Variants in EPB41L4B observed in about 807,000 individuals in gnomAD.
EPB41L4B encodes the protein erythrocyte membrane protein band 4.1 like 4B, also known as band 4.1-like protein 4B.
A neutral mutation model predicts 112.5 loss-of-function variants in EPB41L4B; 30 were observed. The ratio of observed to expected loss-of-function variants is 0.27; its 90% confidence interval spans 0.20 to 0.36. The LOEUF (loss-of-function observed/expected upper bound fraction) is 0.36. EPB41L4B is among the 10% of genes least tolerant of loss of function. EPB41L4B has a pLI of 1.00. For synonymous variants in EPB41L4B, 408 were observed against 439.7 expected (o/e 0.93, Z 0.90); for missense variants, 1,024 against 1,133.3 (o/e 0.90, Z 1.38).
At chr9:109,311,603 G>T (rs1837416637) in intron 1 of EPB41L4B, among the ~76,000 whole-genome samples, 1 of 152,210 alleles carries the variant, frequency 6.6e-6, no homozygotes, top group Admixed American at 6.5e-5. Flanking sequence ...AAAAGAACCT[G>T]CAAAAAATGC....
At chr9:109,220,477 C>A (rs1833534321) in intron 15 of EPB41L4B, among the ~76,000 whole-genome samples, 1 of 152,174 alleles carries the variant, frequency 6.6e-6, no homozygotes, top group Non-Finnish European at 1.5e-5. Context: ...TGTTAGGAGA[C>A]TGCCGCAGGG....
chr9:109,176,132 A>ATT (rs60823915), intron 25 of EPB41L4B, among the ~76,000 whole-genome samples: 3 of 140,314 alleles, frequency 2.1e-5, no homozygotes, highest in African/African-American at 7.8e-5. Context: ...CCTTGTAAAC[A>ATT]TTTTTTTTTT....
chr9:109,294,132 C>G (rs1346541362), intron 1 of EPB41L4B, among the ~76,000 whole-genome samples: 1 of 151,264 alleles, frequency 6.6e-6, no homozygotes, highest in African/African-American at 2.4e-5. Context: ...CAGTGAAACC[C>G]CATTTCTACG....
intron 15 of EPB41L4B, chr9:109,241,364 A>G: frequency 9.1e-7 from 1 of 1,102,110 alleles, no homozygotes; most frequent in Middle Eastern, 4.1e-4. Flanking sequence ...TTAAATAACA[A>G]AGAACATCAG....
chr9:109,236,419 A>T (rs62576380), intron 15 of EPB41L4B, among the ~76,000 whole-genome samples: 11 of 139,848 alleles, frequency 7.9e-5, no homozygotes, highest in African/African-American at 2.2e-4. Context: ...ATGCCTATTT[A>T]AAAAAAAAAA....
rs376522301 is a variant in EPB41L4B at position 109,207,920 on chromosome 9, G to A, written c.1878+4C>T. 2.3e-5 allele frequency: 37 copies of A among 1,613,940 alleles called. No homozygotes were observed. The highest frequency in any genetic ancestry group is 2.0e-4 in the Admixed American group (12 of 59,998). ...AATCAAAGGAATGTATGCATTCTGC[G>A]CACCTGGATGTTCACTCGGGAAGCA... On this transcript the variant is annotated splice_donor_region_variant and intron_variant, in intron 18 of 25. Coordinates refer to ENST00000374566, the MANE Select transcript of EPB41L4B (RefSeq NM_019114.5).
rs1214662037 is a variant in EPB41L4B at position 109,306,005 on chromosome 9, G to A, written c.306+14136C>T. On this transcript the variant is annotated intron_variant, in intron 1 of 25. Coordinates refer to ENST00000374566, the MANE Select transcript of EPB41L4B (RefSeq NM_019114.5). ...TGAGAAGTGAAGGGGACACTGGGGA[G>A]CTGCCAGAGAGCCACTAGAGTGACA... is the stretch of plus-strand genomic sequence containing the variant. 2.6e-5 allele frequency among the ~76,000 whole-genome samples: 4 copies of A among 152,298 alleles called. No homozygotes were observed. The East Asian group carries it at 7.7e-4, about 29-fold the overall frequency.
intron 15 of EPB41L4B, among the ~76,000 whole-genome samples, chr9:109,235,515 T>C (rs1394854084): frequency 2.0e-5 from 3 of 150,752 alleles, no homozygotes; most frequent in Non-Finnish European, 3.0e-5. Flanking sequence ...TCTGCCTCAG[T>C]CTCCCAAGTA....
rs184261349 is a variant in EPB41L4B, at chr9:109,290,329, C to T, written c.307-10408G>A. Among the ~76,000 whole-genome samples the T allele has an allele frequency of 2.1e-4, 32 of 152,314 alleles. No individual in the cohort carries two copies. The East Asian group carries it at 5.6e-3, about 27-fold the overall frequency. ...GAATTATTGTGACTTTCATCGAAAC[C>T]TATTTCTCCCACTTGTCCACAGGAA... On this transcript the variant is annotated intron_variant, in intron 1 of 25. Coordinates refer to ENST00000374566, the MANE Select transcript of EPB41L4B (RefSeq NM_019114.5).
At chr9:109,305,938 A>T (rs1391960637) in intron 1 of EPB41L4B, among the ~76,000 whole-genome samples, 2 of 152,074 alleles carry the variant, frequency 1.3e-5, no homozygotes, top group Non-Finnish European at 2.9e-5. Flanking sequence ...AAATATAATT[A>T]AATTAAATTA....
intron 6 of EPB41L4B, among the ~76,000 whole-genome samples, chr9:109,261,480 G>C (rs548356815): frequency 6.6e-6 from 1 of 152,098 alleles, no homozygotes; most frequent in Non-Finnish European, 1.5e-5. Context: ...AGGATCGCTT[G>C]AGGCCAGGAG....
intron 13 of EPB41L4B, 49 bp downstream of exon 13, chr9:109,251,432 T>C (rs781252606): frequency 4.5e-6 from 7 of 1,567,982 alleles, no homozygotes; most frequent in Non-Finnish European, 5.3e-6. Flanking sequence ...TGCAAATAAA[T>C]ACGATCCTTA....
At chr9:109,248,497 A>C (rs990785679) in intron 13 of EPB41L4B, among the ~76,000 whole-genome samples, 2 of 152,238 alleles carry the variant, frequency 1.3e-5, no homozygotes, top group Non-Finnish European at 2.9e-5. Flanking sequence ...AGCCAGGGCT[A>C]GAATCAACAT....
At chr9:109,266,386 G>C (rs1016673257) in intron 4 of EPB41L4B, among the ~76,000 whole-genome samples, 1 of 151,772 alleles carries the variant, frequency 6.6e-6, no homozygotes, top group Admixed American at 6.6e-5. Flanking sequence ...CAAAAAAAAA[G>C]CCCAGGGGAA....
intron 23 of EPB41L4B, among the ~76,000 whole-genome samples, chr9:109,184,492 TACAGGCGTGAGC>T (rs1832183034): frequency 6.6e-6 from 1 of 152,276 alleles, no homozygotes; most frequent in South Asian, 2.1e-4. Flanking sequence ...GTGCTGGGAT[TACAGGCGTGAGC>T]CACTGTGCCC....
chr9:109,271,224 C>T (rs1183353959), intron 2 of EPB41L4B, among the ~76,000 whole-genome samples: 1 of 152,258 alleles, frequency 6.6e-6, no homozygotes, highest in Non-Finnish European at 1.5e-5. Context: ...CCCCTTCAGC[C>T]ATTGTGGGCT....
chr9:109,216,751 G>A (rs781351863), intron 16 of EPB41L4B, among the ~76,000 whole-genome samples, 171 bp downstream of exon 16: 86 of 152,252 alleles, frequency 5.6e-4, no homozygotes, highest in Non-Finnish European at 1.1e-3. Context: ...AAGTGCTTCT[G>A]CTCAAATGCA....
Position 109,320,328 on chromosome 9 carries a change from C to G in EPB41L4B, c.119G>C (p.Gly40Ala). ...CGAGGAGGAGGCGGCGGCGGCCGGGCCCCCCCGTGGCCCCCCATCGCGCTC... is the reference window on the plus strand; with the variant it reads ...CGAGGAGGAGGCGGCGGCGGCCGGGGCCCCCCGTGGCCCCCCATCGCGCTC... ...GDERDGGPRG[G>A]PAAAASSSAL... is the part of the protein sequence containing the mutation. The change falls in exon 1 of 26, where the codon GGC (glycine) becomes GCC (alanine). Residue 40 changes from glycine to alanine, a missense_variant. Transcript: ENST00000374566. 2.0e-6 allele frequency: 2 copies of G among 988,882 alleles called. No individual in the cohort carries two copies. Among genetic ancestry groups the G allele is most frequent in the Non-Finnish European group, 2.4e-6 (2 of 833,106 alleles). The allele number at this position is 988,882 out of a possible 1,614,324, so 61.3% of individuals were successfully genotyped here.
At chr9:109,216,413 T>A (rs7027952) in intron 16 of EPB41L4B, among the ~76,000 whole-genome samples, 99 of 152,152 alleles carry the variant, frequency 6.5e-4, no homozygotes, top group Non-Finnish European at 1.3e-3. Flanking sequence ...GGCCGAGATG[T>A]GTGGATCACC....
Sources: gnomAD v4.1 joint callset for allele counts (sites outside exome capture counted in the v4.1 genomes callset) on GRCh38, gnomAD v4.1.1 for gene constraint, MANE v1.5 for transcripts, NCBI Gene and HGNC (gene_info 2026-07-23, HGNC 2026-07-21) for gene names.